The following ZNF536 variants were observed in gnomAD, a reference collection of about 807,000 sequenced individuals.
ZNF536 encodes zinc finger protein 536.
A neutral mutation model predicts 84.5 loss-of-function variants in ZNF536; 13 were observed. The observed-to-expected ratio is 0.15, with a 90% confidence interval of 0.10 to 0.24. The LOEUF (loss-of-function observed/expected upper bound fraction) is 0.24. Among genes scored for constraint, ZNF536 ranks in the 10% least tolerant of loss-of-function variants. The pLI is 1.00. For missense variants in ZNF536, 1,536 were observed against 1,747.5 expected (o/e 0.88, Z 2.16); for synonymous variants, 811 against 742.5 (o/e 1.09, Z -1.50).
At chr19:30,277,940 G>A (rs916942696) in intron 1 of ZNF536, among the ~76,000 whole-genome samples, 1 of 152,326 alleles carries the variant, frequency 6.6e-6, no homozygotes, top group Non-Finnish European at 1.5e-5. Context: ...GACCCTGACA[G>A]CAAGAACCTT....
At chr19:30,327,936 C>G (rs2047091464) in intron 2 of ZNF536, among the ~76,000 whole-genome samples, 1 of 152,164 alleles carries the variant, frequency 6.6e-6, no homozygotes, top group Non-Finnish European at 1.5e-5. Flanking sequence ...CGGGATCAGC[C>G]TGGGCTCCTG....
At chr19:30,338,300 A>T (rs1285277475) in intron 2 of ZNF536, among the ~76,000 whole-genome samples, 1 of 151,368 alleles carries the variant, frequency 6.6e-6, no homozygotes, top group African/African-American at 2.4e-5. Context: ...TAATATGATG[A>T]TGACAATGAT....
chr19:30,671,439 A>G (rs2050547129), intron 1 of ZNF536, among the ~76,000 whole-genome samples: 1 of 152,168 alleles, frequency 6.6e-6, no homozygotes, highest in Non-Finnish European at 1.5e-5. Context: ...CTGGAGAGAG[A>G]CTGTGGCCAG....
chr19:30,531,126 C>CA lies in ZNF536; in HGVS notation c.2171-3713dup, dbSNP rs200293593. 1.4e-4 allele frequency among the ~76,000 whole-genome samples: 22 copies of CA among 151,956 alleles called. No individual in the cohort carries two copies. In the East Asian group the frequency reaches 1.9e-3, roughly 13 times the overall value. ...AAATGCCATAGGCCTTCTGGCCCTC[C>CA]AAAAAAAATCCCTTTTCTTTGTGAA... is the stretch of plus-strand genomic sequence containing the variant. On this transcript the variant is annotated intron_variant, in intron 2 of 4. Coordinates refer to ENST00000355537, the MANE Select transcript of ZNF536 (RefSeq NM_014717.3).
chr19:30,669,001 G>T (rs1235623140), intron 1 of ZNF536, among the ~76,000 whole-genome samples: 3 of 152,248 alleles, frequency 2.0e-5, no homozygotes, highest in African/African-American at 7.2e-5. Flanking sequence ...GGGGGCAAGG[G>T]TTGTCGGGGG....
chr19:30,677,604 C>A (rs542180471), intron 1 of ZNF536, among the ~76,000 whole-genome samples: 8 of 152,346 alleles, frequency 5.3e-5, no homozygotes, highest in Non-Finnish European at 1.2e-4. Flanking sequence ...GGCAGGCTGA[C>A]CTCTTGGGTC....
chr19:30,545,554 C>T (rs1375091989), intron 3 of ZNF536, among the ~76,000 whole-genome samples: 2 of 151,826 alleles, frequency 1.3e-5, no homozygotes, highest in Non-Finnish European at 2.9e-5. Context: ...CCCACCACCA[C>T]GCCCGGCTAA....
At chr19:30,713,173 C>G (rs922820111) in exon 2 of ZNF536, 3 of 152,194 alleles carry the variant, frequency 2.0e-5, no homozygotes, top group African/African-American at 7.2e-5. Context: ...CTTCCTCCCC[C>G]TCTGACACAG....
intron 2 of ZNF536, among the ~76,000 whole-genome samples, chr19:30,502,455 A>G (rs2054990147): frequency 6.6e-6 from 1 of 152,062 alleles, no homozygotes; most frequent in South Asian, 2.1e-4. Flanking sequence ...GAGTGATCGG[A>G]AAGATCGAAC....
chr19:30,535,121 C>A, intron 3 of ZNF536, 122 bp downstream of exon 3: 1 of 1,159,080 alleles, frequency 8.6e-7, no homozygotes, highest in Non-Finnish European at 1.2e-6. Flanking sequence ...TCTCCCTGGG[C>A]CTGTCTAGCC....
chr19:30,525,252 C>A (rs924796900), intron 2 of ZNF536, among the ~76,000 whole-genome samples: 1 of 152,160 alleles, frequency 6.6e-6, no homozygotes, highest in Non-Finnish European at 1.5e-5. Context: ...GCCTCCTCAC[C>A]CTGCAATCAT....
At chr19:30,381,799 G>A (rs2049034696) in intron 1 of ZNF536, among the ~76,000 whole-genome samples, 1 of 152,208 alleles carries the variant, frequency 6.6e-6, no homozygotes, top group Non-Finnish European at 1.5e-5. Context: ...AGCGTTCAGA[G>A]TCTGCAGGGA....
At chr19:30,289,835 G>A (rs933905071) in intron 2 of ZNF536, among the ~76,000 whole-genome samples, 2 of 152,080 alleles carry the variant, frequency 1.3e-5, no homozygotes, top group Non-Finnish European at 2.9e-5. Flanking sequence ...TGTGTGTTGG[G>A]TTTTTTGTTT....
intron 2 of ZNF536, among the ~76,000 whole-genome samples, chr19:30,336,376 A>T (rs1291490725): frequency 6.6e-6 from 1 of 152,206 alleles, no homozygotes; most frequent in Admixed American, 6.5e-5. Context: ...AATGAACAGG[A>T]CACCTCCACG....
At chr19:30,391,433 G>A (rs756915548) in intron 1 of ZNF536, among the ~76,000 whole-genome samples, 2 of 152,108 alleles carry the variant, frequency 1.3e-5, no homozygotes, top group African/African-American at 2.4e-5. Context: ...AAAAATAGCC[G>A]GGCATGGTGG....
chr19:30,383,828 CTCCTTCTTTCCTTCCT>C (rs1349028040), intron 1 of ZNF536, among the ~76,000 whole-genome samples: 44 of 128,038 alleles, frequency 3.4e-4, no homozygotes, highest in African/African-American at 1.3e-3. Flanking sequence ...TTCTTTCTTT[CTCCTTCTTTCCTTCCT>C]TCCTTCCTTC....
At chr19:30,606,978 C>A (rs147664956) in intron 1 of ZNF536, among the ~76,000 whole-genome samples, 1 of 152,214 alleles carries the variant, frequency 6.6e-6, no homozygotes, top group Non-Finnish European at 1.5e-5. Flanking sequence ...GGGAGGATGT[C>A]AGAATGTGTG....
chr19:30,479,063 A>C (rs2053966865), intron 2 of ZNF536, among the ~76,000 whole-genome samples: 1 of 152,118 alleles, frequency 6.6e-6, no homozygotes, highest in Non-Finnish European at 1.5e-5. Flanking sequence ...CTGCATTGCC[A>C]CTCTGGGATT....
chr19:30,330,104 G>A (rs937748735), intron 2 of ZNF536, among the ~76,000 whole-genome samples: 9 of 151,992 alleles, frequency 5.9e-5, no homozygotes, highest in Non-Finnish European at 5.9e-5. Context: ...GATTACTCCC[G>A]TCACCACCAC....
Sources: gnomAD v4.1 joint callset for allele counts (sites outside exome capture counted in the v4.1 genomes callset) on GRCh38, gnomAD v4.1.1 for gene constraint, MANE v1.5 for transcripts, NCBI Gene and HGNC (gene_info 2026-07-23, HGNC 2026-07-21) for gene names.